Variants in ADGRG1 observed in about 807,000 individuals in gnomAD.
The protein encoded by ADGRG1 is 7-transmembrane protein with no EGF-like N-terminal domains-1.
A neutral mutation model predicts 73.5 loss-of-function variants in ADGRG1; 53 were observed. The observed-to-expected ratio is 0.72, with a 90% CI of 0.58 to 0.91. The LOEUF (loss-of-function observed/expected upper bound fraction) is 0.91. ADGRG1 is among the 40% of genes least tolerant of loss of function. The pLI, the probability that ADGRG1 is intolerant of heterozygous loss-of-function variation, is 0.00. For synonymous variants in ADGRG1, 394 were observed against 374.4 expected (o/e 1.05, Z -0.60); for missense variants, 795 against 871.8 (o/e 0.91, Z 1.11).
At chr16:57,622,802 G>A (rs771855604), upstream of ADGRG1, 163 of 985,252 alleles carry the variant, frequency 1.7e-4, no homozygotes, top group Non-Finnish European at 1.9e-4. Context: ...TCTATCTCAG[G>A]CAGCGGGGCA....
At chr16:57,645,056 T>TGCACACGC in intron 1 of ADGRG1, 1 of 984,662 alleles carries the variant, frequency 1.0e-6, no homozygotes, top group Non-Finnish European at 1.2e-6. Flanking sequence ...CACACACTCA[T>TGCACACGC]GCACACGCAC....
chr16:57,622,986 C>G (rs1175743660), upstream of ADGRG1: 8 of 985,428 alleles, frequency 8.1e-6, no homozygotes, highest in African/African-American at 1.7e-5. Flanking sequence ...AAGGCCATTT[C>G]TTGTTGGCAT....
At chr16:57,639,633 T>C in intron 1 of ADGRG1, 1 of 985,564 alleles carries the variant, frequency 1.0e-6, no homozygotes, top group Non-Finnish European at 1.2e-6. Flanking sequence ...ACGTTCTTAA[T>C]GTATCTATAG....
chr16:57,638,845 G>T (rs2040014555), intron 1 of ADGRG1, among the ~76,000 whole-genome samples: 1 of 152,164 alleles, frequency 6.6e-6, no homozygotes. Context: ...GCCGAGGCGG[G>T]CATATCATGA....
chr16:57,651,064 A>G lies in ADGRG1; in HGVS notation c.65-136A>G, dbSNP rs1342335606. ...TAAGTTTTGAGTGGGAAAGACTAAC[A>G]CATTTTTGTAGACCCTTGGAATGTG... On this transcript the variant is annotated intron_variant, in intron 2 of 13. Coordinates refer to ENST00000562631, the MANE Select transcript of ADGRG1 (RefSeq NM_201525.4). 2.5e-6 allele frequency: 4 copies of G among 1,578,352 alleles called. No homozygotes were observed. In the African/African-American group the frequency reaches 5.4e-5, roughly 21 times the overall value.
intron 2 of ADGRG1, chr16:57,622,641 CAG>C (rs2035077374): frequency 5.9e-6 from 2 of 340,726 alleles, no homozygotes; most frequent in Non-Finnish European, 8.3e-6. Context: ...GCTCTGGGCT[CAG>C]GGGCTTCTGA....
At chr16:57,660,628 T>C in intron 11 of ADGRG1, 140 bp from the exon 12 acceptor site, 2 of 1,515,626 alleles carry the variant, frequency 1.3e-6, no homozygotes, top group Non-Finnish European at 1.8e-6. Flanking sequence ...TTGGGGGAAC[T>C]TCCCCACCAG....
intron 1 of ADGRG1, chr16:57,640,792 A>G (rs2040626647): frequency 1.5e-6 from 1 of 684,234 alleles, no homozygotes; most frequent in African/African-American, 1.9e-5. Flanking sequence ...GAAAAAAGAA[A>G]GGGAGGGTTG....
chr16:57,624,496 G>A (rs1308006086), upstream of ADGRG1, among the ~76,000 whole-genome samples: 2 of 152,152 alleles, frequency 1.3e-5, no homozygotes, highest in East Asian at 3.8e-4. Flanking sequence ...GCGAGGCCCT[G>A]TCTCGAAAAC....
rs2045453279 is a variant in ADGRG1, at chr16:57,655,385, A to AG, written c.769-11dup. ...GGGTCCGCATTTGGCTGAGCCCTAA[A>AG]GGGACCTCTGCAGGAGGAGCAGAGC... On this transcript the variant is annotated splice_polypyrimidine_tract_variant and intron_variant, in intron 5 of 13. Coordinates refer to ENST00000562631, the MANE Select transcript of ADGRG1 (RefSeq NM_201525.4). The AG allele has an allele frequency of 6.2e-7, 1 of 1,612,258 alleles. No homozygotes were observed. The highest frequency in any genetic ancestry group is 8.5e-7 in the Non-Finnish European group (1 of 1,179,882).
At chr16:57,651,099 C>T (rs2043967934) in intron 2 of ADGRG1, 101 bp from the exon 3 acceptor site, 1 of 1,601,230 alleles carries the variant, frequency 6.2e-7, no homozygotes, top group Non-Finnish European at 8.5e-7. Flanking sequence ...GTGTGAATCT[C>T]AGGCTCCAGG....
rs768523392 is a variant in ADGRG1 at position 57,660,809 on chromosome 16, G to A, written c.1597G>A (p.Val533Met). 13 of 1,613,470 alleles carry A rather than the reference G, an allele frequency of 8.1e-6. No homozygotes were observed. In the Admixed American group the frequency reaches 1.5e-4, roughly 19 times the overall value. The part of the protein sequence containing the change: ...FLVTLVALVD[V>M]DNYGPIILAV... ...GGTGACGCTGGTGGCCCTGGTGGATGTGGACAACTATGGCCCCATCATCTT... is the reference window on the plus strand; with the variant it reads ...GGTGACGCTGGTGGCCCTGGTGGATATGGACAACTATGGCCCCATCATCTT... The change falls in exon 12 of 14, where the codon GTG (valine) becomes ATG (methionine). Residue 533 changes from valine to methionine, a missense_variant. Val to Met is a conservative substitution (Grantham distance 21). Transcript: ENST00000562631.
chr16:57,657,533 T>C (rs2046034042), intron 10 of ADGRG1, 42 bp downstream of exon 10: 2 of 1,402,370 alleles, frequency 1.4e-6, no homozygotes, highest in Non-Finnish European at 2.0e-6. Flanking sequence ...GGACCCTCCA[T>C]TGCACACACC....
chr16:57,654,416 C>CT (rs1207967604), intron 5 of ADGRG1, among the ~76,000 whole-genome samples: 6 of 135,402 alleles, frequency 4.4e-5, no homozygotes, highest in Non-Finnish European at 9.6e-5. Context: ...CGCACCCCCC[C>CT]CCCCCGTTTT....
intron 2 of ADGRG1, 25 bp from the exon 3 acceptor site, chr16:57,651,175 C>T: frequency 1.2e-6 from 2 of 1,613,636 alleles, no homozygotes; most frequent in Non-Finnish European, 1.7e-6. Context: ...CCACGGGGTC[C>T]CATCTGCAGC....
At chr16:57,655,347 G>A in intron 5 of ADGRG1, 52 bp from the exon 6 acceptor site, 2 of 1,604,436 alleles carry the variant, frequency 1.2e-6, no homozygotes, top group Non-Finnish European at 1.7e-6. Flanking sequence ...TAGGGTGGGG[G>A]GCACGGATCT....
rs367881563 is a variant in ADGRG1, at chr16:57,631,993, C to T, written c.-36+3191C>T. 3.0e-6 allele frequency: 3 copies of T among 985,364 alleles called. No individual in the cohort carries two copies. In the African/African-American group the frequency reaches 5.2e-5, roughly 17 times the overall value. 61.0% of individuals were successfully genotyped at this position (985,364 alleles called of 1,614,324 possible). On this transcript the variant is annotated intron_variant, in intron 1 of 13. Transcript: ENST00000562631. ...CAGGAGGTCAGCTAAGCCCCAAACT[C>T]TCCCTGGTTCCCTGATGGCTCAGCC...
chr16:57,649,218 C>T (rs1374072200), intron 1 of ADGRG1, among the ~76,000 whole-genome samples: 1 of 152,196 alleles, frequency 6.6e-6, no homozygotes, highest in East Asian at 1.9e-4. Flanking sequence ...TAGGAAGCGC[C>T]CTTCCCCTCT....
At position 57,655,894 on chromosome 16, in the gene ADGRG1, G is replaced by A; in HGVS notation, c.919G>A (p.Val307Ile). 3.1e-6 allele frequency: 5 copies of A among 1,614,154 alleles called. No individual in the cohort carries two copies. Among genetic ancestry groups the A allele is most frequent in the Non-Finnish European group, 4.2e-6 (5 of 1,180,024 alleles). ...ALFQDKNSSQ[V>I]LGEKVLGIVV... ...TATCTAGGACAAGAATTCCAGCCAA[G>A]TCCTGGGTGAGAAGGTCTTGGGGAT... Residue 307 changes from valine to isoleucine, a missense_variant, in exon 7 of 14, where the codon GTC becomes ATC. Val to Ile is a conservative substitution (Grantham distance 29). Transcript: ENST00000562631.
Sources: allele counts gnomAD v4.1 joint callset (sites outside exome capture counted in the v4.1 genomes callset), GRCh38; gene constraint gnomAD v4.1.1; transcripts MANE v1.5; gene names NCBI Gene and HGNC (gene_info 2026-07-23, HGNC 2026-07-21).